ST3GAL3: variants seen among roughly 807,000 people sequenced by gnomAD.
ST3GAL3 encodes ST3 beta-galactoside alpha-2,3-sialyltransferase 3.
A neutral mutation model predicts 50.1 loss-of-function variants in ST3GAL3; 21 were observed. The ratio of observed to expected loss-of-function variants is 0.42; its 90% CI spans 0.30 to 0.60. The LOEUF (loss-of-function observed/expected upper bound fraction) is 0.60. Among genes scored for constraint, ST3GAL3 ranks in the 20% least tolerant of loss-of-function variants. The probability of loss-of-function intolerance (pLI) is 0.19; values close to 1 mark genes in which losing one functional copy is unlikely to be tolerated. For missense variants in ST3GAL3, 353 were observed against 489.4 expected, an observed-to-expected ratio of 0.72 and a Z score of 2.63; for synonymous variants, 183 against 190.0, an observed-to-expected ratio of 0.96 and a Z score of 0.30.
chr1:43,900,320 G>C (rs1392150196), intron 9 of ST3GAL3, among the ~76,000 whole-genome samples: 2 of 152,164 alleles, frequency 1.3e-5, no homozygotes, highest in Non-Finnish European at 2.9e-5. Context: ...TTCCCAACCT[G>C]CCACTGAGTC....
chr1:43,793,221 A>AT (rs1004962638), intron 3 of ST3GAL3, among the ~76,000 whole-genome samples: 4 of 151,458 alleles, frequency 2.6e-5, no homozygotes, highest in African/African-American at 7.3e-5. Flanking sequence ...TTTTATTTTT[A>AT]TTTTTTTTAT....
intron 2 of ST3GAL3, among the ~76,000 whole-genome samples, chr1:43,765,127 C>T (rs1427947592): frequency 2.0e-5 from 3 of 152,338 alleles, no homozygotes; most frequent in Non-Finnish European, 4.4e-5. Context: ...GGTTATTTCT[C>T]TCCTGTCACA....
intron 1 of ST3GAL3, among the ~76,000 whole-genome samples, chr1:43,725,185 G>GCTTTTTT (rs1204392545): frequency 1.3e-5 from 2 of 152,164 alleles, no homozygotes; most frequent in African/African-American, 4.8e-5. Context: ...TTACCTGCAT[G>GCTTTTTT]CTTTTTTCTT....
At chr1:43,776,042 A>G (rs1197010469) in intron 2 of ST3GAL3, among the ~76,000 whole-genome samples, 1 of 152,170 alleles carries the variant, frequency 6.6e-6, no homozygotes, top group Non-Finnish European at 1.5e-5. Flanking sequence ...CTTGAAATAT[A>G]ATTTACACAC....
intron 3 of ST3GAL3, among the ~76,000 whole-genome samples, chr1:43,809,728 T>C (rs1050066154): frequency 4.0e-5 from 6 of 150,620 alleles, no homozygotes; most frequent in Non-Finnish European, 7.4e-5. Context: ...AGCGTGGTGG[T>C]TCACGCCTGT....
At chr1:43,753,150 A>T (rs1307695657) in intron 2 of ST3GAL3, among the ~76,000 whole-genome samples, 1 of 152,254 alleles carries the variant, frequency 6.6e-6, no homozygotes, top group Non-Finnish European at 1.5e-5. Context: ...CCAATTCAAG[A>T]CAGCACTGAT....
chr1:43,839,714 A>T (rs1221415420), intron 5 of ST3GAL3: 1 of 152,232 alleles, frequency 6.6e-6, no homozygotes, highest in African/African-American at 2.4e-5. Context: ...TAATTGGCTT[A>T]TGGTTCATCA....
intron 5 of ST3GAL3, chr1:43,858,354 C>T: frequency 8.1e-7 from 1 of 1,228,446 alleles, no homozygotes; most frequent in Non-Finnish European, 1.0e-6. Flanking sequence ...GGGGCAGCTT[C>T]CTCCTTTGCA....
intron 3 of ST3GAL3, among the ~76,000 whole-genome samples, chr1:43,810,015 A>G (rs12120287): frequency 0.36 from 52,778 of 145,776 alleles, 10,541 homozygotes; most frequent in East Asian, 0.58. Context: ...AAAAAGAAAG[A>G]AAGAAAAAAG....
intron 2 of ST3GAL3, among the ~76,000 whole-genome samples, chr1:43,787,029 A>G (rs571718204): frequency 2.0e-5 from 3 of 152,352 alleles, no homozygotes; most frequent in African/African-American, 4.8e-5. Context: ...ACTGAGCCCT[A>G]TTCTTCTTCA....
chr1:43,904,859 C>A (rs2078936434), intron 9 of ST3GAL3, among the ~76,000 whole-genome samples: 1 of 146,396 alleles, frequency 6.8e-6, no homozygotes. Context: ...GCCACTCTTC[C>A]TCCTCCTCCT....
intron 1 of ST3GAL3, among the ~76,000 whole-genome samples, chr1:43,717,230 C>T (rs1326827158): frequency 6.6e-6 from 1 of 152,190 alleles, no homozygotes; most frequent in African/African-American, 2.4e-5. Context: ...AGGGCAGGCA[C>T]CACTCCCTGT....
At chr1:43,917,741 C>T (rs2082316957) in intron 9 of ST3GAL3, among the ~76,000 whole-genome samples, 1 of 138,196 alleles carries the variant, frequency 7.2e-6, no homozygotes, top group Non-Finnish European at 1.5e-5. Context: ...CCATCTCGGC[C>T]CACTGCGACC....
intron 5 of ST3GAL3, among the ~76,000 whole-genome samples, chr1:43,868,739 C>G (rs1424866951): frequency 6.6e-6 from 1 of 152,118 alleles, no homozygotes; most frequent in Non-Finnish European, 1.5e-5. Context: ...GCCTGGCTAG[C>G]CCCTTTCTCC....
At chr1:43,759,241 C>G (rs1280337471) in intron 2 of ST3GAL3, among the ~76,000 whole-genome samples, 1 of 151,154 alleles carries the variant, frequency 6.6e-6, no homozygotes. Context: ...GTCAGGAGAT[C>G]GAGACCATCC....
At chr1:43,844,432 AG>A in intron 5 of ST3GAL3, among the ~76,000 whole-genome samples, 1 of 152,356 alleles carries the variant, frequency 6.6e-6, no homozygotes, top group South Asian at 2.1e-4. Flanking sequence ...GGAATTTAGC[AG>A]CTCTCTGTCA....
intron 6 of ST3GAL3, 37 bp downstream of exon 6, chr1:43,894,514 C>A: frequency 6.4e-7 from 1 of 1,569,770 alleles, no homozygotes; most frequent in Non-Finnish European, 8.8e-7. Context: ...AACATCTCAT[C>A]CCCCCGACTG....
chr1:43,909,180 C>T (rs2080348144), intron 9 of ST3GAL3, among the ~76,000 whole-genome samples: 1 of 152,216 alleles, frequency 6.6e-6, no homozygotes, highest in South Asian at 2.1e-4. Context: ...CAGAGTGCAA[C>T]AGTACCTTCG....
At chr1:43,805,728 C>T (rs1459622496) in intron 3 of ST3GAL3, among the ~76,000 whole-genome samples, 2 of 151,992 alleles carry the variant, frequency 1.3e-5, no homozygotes, top group African/African-American at 2.4e-5. Flanking sequence ...GGACAAGGAA[C>T]GCTCTTCTTT....
Sources: allele counts gnomAD v4.1 joint callset (sites outside exome capture counted in the v4.1 genomes callset), GRCh38; gene constraint gnomAD v4.1.1; transcripts MANE v1.5; gene names NCBI Gene and HGNC (gene_info 2026-07-23, HGNC 2026-07-21).